CAPN8: variants seen among roughly 807,000 people sequenced by gnomAD.
CAPN8 encodes the protein calpain 8.
CAPN8 carries 87 observed loss-of-function variants against 80.9 expected under a neutral mutation model. The ratio of observed to expected loss-of-function variants is 1.07; its 90% confidence interval spans 0.90 to 1.28. The LOEUF (loss-of-function observed/expected upper bound fraction) is 1.28. Ranked by LOEUF, CAPN8 falls within the 50% of genes most tolerant of loss-of-function variation. The probability of loss-of-function intolerance (pLI) is 0.00; values close to 1 mark genes in which losing one functional copy is unlikely to be tolerated. For missense variants in CAPN8, 757 were observed against 702.0 expected, an observed-to-expected ratio of 1.08 and a Z score of -0.89; for synonymous variants, 299 against 273.8, an observed-to-expected ratio of 1.09 and a Z score of -0.91.
chr1:223,634,987 C>A (rs780702781), intron 2 of CAPN8, among the ~76,000 whole-genome samples: 16 of 152,196 alleles, frequency 1.1e-4, no homozygotes, highest in Non-Finnish European at 2.2e-4. Flanking sequence ...ATGTTTCCCT[C>A]CCACTCATGG....
intron 13 of CAPN8, among the ~76,000 whole-genome samples, chr1:223,555,427 C>T (rs1656881261): frequency 4.6e-5 from 7 of 152,186 alleles, no homozygotes; most frequent in African/African-American, 7.2e-5. Flanking sequence ...ATATTAACGC[C>T]TACCATGCTG....
intron 19 of CAPN8, 107 bp from the exon 20 acceptor site, chr1:223,543,273 T>G (rs77174056): frequency 1.8e-5 from 24 of 1,307,966 alleles, no homozygotes; most frequent in Admixed American, 4.4e-5. Context: ...GAACTCTCCT[T>G]TCCCCTACCA....
intron 1 of CAPN8, 45 bp downstream of exon 1, chr1:223,665,365 C>T (rs370113292): frequency 6.8e-6 from 10 of 1,470,290 alleles, no homozygotes; most frequent in African/African-American, 2.8e-5. Flanking sequence ...AGATGTAAGG[C>T]CCCTCCACCT....
intron 9 of CAPN8, chr1:223,617,118 G>C (rs1400590252): frequency 6.6e-6 from 1 of 152,190 alleles, no homozygotes; most frequent in Non-Finnish European, 1.5e-5. Flanking sequence ...AAAAGAAGTG[G>C]AAGGGCATGG....
At chr1:223,649,174 A>T (rs1432796395) in intron 2 of CAPN8, among the ~76,000 whole-genome samples, 1 of 152,264 alleles carries the variant, frequency 6.6e-6, no homozygotes, top group Non-Finnish European at 1.5e-5. Flanking sequence ...ATACAGTAGC[A>T]TCGCTCATGT....
intron 2 of CAPN8, among the ~76,000 whole-genome samples, chr1:223,640,936 T>C (rs183569413): frequency 1.3e-5 from 2 of 152,180 alleles, no homozygotes; most frequent in East Asian, 1.9e-4. Context: ...TTTCATGAAG[T>C]TGATGAAAGT....
At chr1:223,610,968 C>T (rs34485635) in intron 11 of CAPN8, among the ~76,000 whole-genome samples, 1 of 151,936 alleles carries the variant, frequency 6.6e-6, no homozygotes, top group Non-Finnish European at 1.5e-5. Flanking sequence ...TGCTTCAACA[C>T]GCCCTCTAGG....
At chr1:223,620,458 G>C (rs1657352496) in intron 7 of CAPN8, among the ~76,000 whole-genome samples, 192 bp from the exon 8 acceptor site, 1 of 152,166 alleles carries the variant, frequency 6.6e-6, no homozygotes, top group African/African-American at 2.4e-5. Flanking sequence ...CCAGGACACG[G>C]ACTCCATGGG....
At position 223,619,374 on chromosome 1, in the gene CAPN8, C is replaced by A. The variant is rs760661935; in HGVS notation, c.1054G>T (p.Glu352Ter). 6 of 1,551,690 alleles carry A rather than the reference C, an allele frequency of 3.9e-6. No individual in the cohort carries two copies. Among genetic ancestry groups the A allele is most frequent in the Non-Finnish European group, 5.2e-6 (6 of 1,147,002 alleles). ...AGGACCAGGTTCCATTTGTGCACCT[C>A]CTCGCTACTCAGAGAGTCCGGGGAC... Reference protein sequence around the residue: ...NLSPDSLSSEEVHKWNLVLFN... With the variant: ...NLSPDSLSSE Residue 352 changes from glutamate to a stop codon, truncating the protein, a stop_gained, in exon 9 of 21, where the codon GAG (glutamate) becomes TAG (stop). Coordinates refer to ENST00000366872, the MANE Select transcript of CAPN8 (RefSeq NM_001143962.2). LOFTEE classifies it high-confidence loss of function.
intron 2 of CAPN8, among the ~76,000 whole-genome samples, chr1:223,645,325 A>C (rs1461964286): frequency 6.6e-6 from 1 of 152,134 alleles, no homozygotes; most frequent in Non-Finnish European, 1.5e-5. Context: ...CTCCCAGCCC[A>C]CTGACTCAAA....
rs958045180 is a variant in CAPN8, at chr1:223,612,258, C to G, written c.1312-1G>C. The G allele has an allele frequency of 1.6e-6, 2 of 1,234,130 alleles. No individual in the cohort carries two copies. Among genetic ancestry groups the G allele is most frequent in the African/African-American group, 3.1e-5 (2 of 64,474 alleles). 76.4% of individuals were successfully genotyped at this position (1,234,130 alleles called of 1,614,324 possible). Reference sequence around the variant, plus strand: ...AGCACTCACATACCTCCTTGGGAACCTGTGGGGCAGAAGAAAAGAGCAGGT... The same window carrying G: ...AGCACTCACATACCTCCTTGGGAACGTGTGGGGCAGAAGAAAAGAGCAGGT... On this transcript the variant is annotated splice_acceptor_variant, in intron 10 of 20. Transcript: ENST00000366872. LOFTEE classifies it high-confidence loss of function.
intron 2 of CAPN8, among the ~76,000 whole-genome samples, chr1:223,643,139 A>G (rs1408533678): frequency 1.3e-5 from 2 of 152,236 alleles, no homozygotes; most frequent in African/African-American, 4.8e-5. Context: ...ATGGGGAAAG[A>G]AATGAAAAGA....
At position 223,619,351 on chromosome 1, in the gene CAPN8, G is replaced by C. The variant is rs1239036163; in HGVS notation, c.1077C>G (p.Val359=). The part of the protein sequence containing the change: ...SSEEVHKWNL[V]LFNGHWTRGS... Reference sequence around the variant, plus strand: ...CCCGGGTCCAGTGGCCGTTGAACAGGACCAGGTTCCATTTGTGCACCTCCT... The same window carrying C: ...CCCGGGTCCAGTGGCCGTTGAACAGCACCAGGTTCCATTTGTGCACCTCCT... Residue 359 remains valine (V), a synonymous_variant, in exon 9 of 21, where the codon GTC becomes GTG. Coordinates refer to ENST00000366872, the MANE Select transcript of CAPN8 (RefSeq NM_001143962.2). 1.9e-6 allele frequency: 3 copies of C among 1,551,594 alleles called. No homozygotes were observed. Among genetic ancestry groups the C allele is most frequent in the Non-Finnish European group, 2.6e-6 (3 of 1,147,020 alleles).
intron 7 of CAPN8, among the ~76,000 whole-genome samples, chr1:223,621,243 CT>C (rs34761307): frequency 0.43 from 61,946 of 143,456 alleles, 14,114 homozygotes; most frequent in Middle Eastern, 0.56. Flanking sequence ...CTTTTTTTTA[CT>C]TTTTTTTTTT....
chr1:223,558,375 T>A (rs890731630), intron 12 of CAPN8, among the ~76,000 whole-genome samples: 6 of 152,180 alleles, frequency 3.9e-5, no homozygotes, highest in Non-Finnish European at 5.9e-5. Flanking sequence ...GAGTTTTTCA[T>A]CAGAGACAAG....
rs1178207506 is a variant in CAPN8, at chr1:223,625,861, T to TGGCTTC, written c.751_756dup (p.Glu251_Ala252dup). 5.8e-6 allele frequency: 9 copies of TGGCTTC among 1,551,444 alleles called. No individual in the cohort carries two copies. Among genetic ancestry groups the TGGCTTC allele is most frequent in the South Asian group, 4.8e-5 (4 of 84,064 alleles). On this transcript the variant is annotated inframe_insertion, in exon 6 of 21. Coordinates refer to ENST00000366872, the MANE Select transcript of CAPN8 (RefSeq NM_001143962.2). ...CTCTTAACCAGCTTCTGGCTGGTGA[T>TGGCTTC]GGCTTCGGCTTCGGCTGCACTGGAG...
At chr1:223,558,371 T>C (rs1656952146) in intron 12 of CAPN8, among the ~76,000 whole-genome samples, 1 of 152,190 alleles carries the variant, frequency 6.6e-6, no homozygotes, top group Non-Finnish European at 1.5e-5. Flanking sequence ...CCCTGAGTTT[T>C]TCATCAGAGA....
At chr1:223,619,489 G>A (rs1281689852) in intron 8 of CAPN8, 36 bp from the exon 9 acceptor site, 5 of 1,549,972 alleles carry the variant, frequency 3.2e-6, no homozygotes, top group Non-Finnish European at 4.4e-6. Context: ...TCAGTGAAGA[G>A]GGCTGGGTTG....
intron 2 of CAPN8, among the ~76,000 whole-genome samples, chr1:223,629,856 A>C (rs73123901): frequency 3.9e-5 from 6 of 152,100 alleles, no homozygotes; most frequent in Non-Finnish European, 8.8e-5. Context: ...TATTCATTCC[A>C]TTCAAACAGC....
Sources: allele counts gnomAD v4.1 joint callset (sites outside exome capture counted in the v4.1 genomes callset), GRCh38; gene constraint gnomAD v4.1.1; transcripts MANE v1.5; gene names NCBI Gene and HGNC (gene_info 2026-07-23, HGNC 2026-07-21).